Variants in DACH1 observed in about 807,000 individuals in gnomAD.
DACH1 encodes the protein dachshund family transcription factor 1.
A neutral mutation model predicts 54.2 loss-of-function variants in DACH1; 12 were observed. That is an observed-to-expected ratio of 0.22 (90% confidence interval 0.14 to 0.36). The LOEUF (loss-of-function observed/expected upper bound fraction) is 0.36. DACH1 is among the 10% of genes least tolerant of loss of function. DACH1 has a pLI of 1.00. For missense variants in DACH1, 805 were observed against 929.8 expected (o/e 0.87, Z 1.75); for synonymous variants, 386 against 366.2 (o/e 1.05, Z -0.62).
At chr13:71,772,406 T>C (rs1024974096) in intron 1 of DACH1, among the ~76,000 whole-genome samples, 1 of 151,644 alleles carries the variant, frequency 6.6e-6, no homozygotes, top group Non-Finnish European at 1.5e-5. Context: ...TGCAGAGAGC[T>C]TTTTTTCACC....
chr13:71,562,699 A>G (rs1185839852), intron 4 of DACH1, among the ~76,000 whole-genome samples: 1 of 152,092 alleles, frequency 6.6e-6, no homozygotes, highest in East Asian at 1.9e-4. Context: ...TAAAAAACAA[A>G]CATGTATATG....
At chr13:71,778,959 G>A (rs1467345095) in intron 1 of DACH1, among the ~76,000 whole-genome samples, 8 of 151,552 alleles carry the variant, frequency 5.3e-5, no homozygotes, top group Non-Finnish European at 1.0e-4. Context: ...AAAGAAAGTT[G>A]CTCCCCTTTT....
intron 8 of DACH1, 84 bp from the exon 9 acceptor site, chr13:71,475,933 T>A: frequency 9.5e-7 from 1 of 1,057,084 alleles, no homozygotes; most frequent in Non-Finnish European, 1.3e-6. Flanking sequence ...ATATTTTTTA[T>A]ATTATTCATT....
At position 71,551,852 on chromosome 13, in the gene DACH1, C is replaced by T. The variant is rs145101155; in HGVS notation, c.1570+5172G>A. Among the ~76,000 whole-genome samples the T allele has an allele frequency of 5.5e-3, 833 of 152,066 alleles. 10 individuals carry two copies. Among genetic ancestry groups the T allele is most frequent in the African/African-American group, 0.018 (748 of 41,508 alleles). ...GCTAACTACATTATTGTCTTTAGTG[C>T]TGTGTCCTTCACTTTAGATTACCAG... is the stretch of plus-strand genomic sequence containing the variant. On this transcript the variant is annotated intron_variant, in intron 6 of 10. Coordinates refer to ENST00000613252, the MANE Select transcript of DACH1 (RefSeq NM_080759.6).
At position 71,866,865 on chromosome 13, in the gene DACH1, C is replaced by T. The variant is rs1283865619; in HGVS notation, c.-96G>A. The T allele has an allele frequency of 2.6e-5, 26 of 1,011,798 alleles. No individual in the cohort carries two copies. Among genetic ancestry groups the T allele is most frequent in the Non-Finnish European group, 3.2e-5 (25 of 793,572 alleles). The allele number at this position is 1,011,798 out of a possible 1,614,324, so 62.7% of individuals were successfully genotyped here. A position where few individuals can be genotyped will look rare whatever the true frequency, so the allele number is the denominator to read the frequency against. The stretch of plus-strand genomic sequence containing the variant: ...AGGGGAAAAAAGGGGGGAGAAGGAG[C>T]GAGGGGGGCAACAACAACTCCGGGA... On this transcript the variant is annotated 5_prime_UTR_variant, in exon 1 of 11. Coordinates refer to ENST00000613252, the MANE Select transcript of DACH1 (RefSeq NM_080759.6).
At chr13:71,628,162 G>A (rs1207653301) in intron 3 of DACH1, among the ~76,000 whole-genome samples, 1 of 152,000 alleles carries the variant, frequency 6.6e-6, no homozygotes, top group African/African-American at 2.4e-5. Context: ...GGCAGGCATT[G>A]TCCTCAGAAC....
chr13:71,641,804 T>C (rs543642966), intron 2 of DACH1, among the ~76,000 whole-genome samples: 1 of 152,280 alleles, frequency 6.6e-6, no homozygotes, highest in South Asian at 2.1e-4. Flanking sequence ...CTTAGTCTGA[T>C]TATAAGGAGA....
intron 10 of DACH1, chr13:71,464,712 G>A (rs1437907013): frequency 2.2e-6 from 1 of 453,814 alleles, no homozygotes; most frequent in Admixed American, 2.4e-5. Context: ...CACTTTAACT[G>A]TTTTGATGTA....
intron 1 of DACH1, among the ~76,000 whole-genome samples, chr13:71,769,705 C>G (rs1486505105): frequency 6.6e-6 from 1 of 151,688 alleles, no homozygotes; most frequent in Non-Finnish European, 1.5e-5. Context: ...ATAAAAATCA[C>G]AGTTCTCACA....
chr13:71,622,566 T>C (rs935347632), intron 3 of DACH1, among the ~76,000 whole-genome samples: 6 of 151,912 alleles, frequency 3.9e-5, no homozygotes, highest in Non-Finnish European at 8.8e-5. Context: ...CACTGAAATA[T>C]GTGGTTTCTT....
chr13:71,464,194 C>T (rs536514770), intron 10 of DACH1, among the ~76,000 whole-genome samples: 4 of 151,580 alleles, frequency 2.6e-5, no homozygotes, highest in African/African-American at 9.7e-5. Context: ...TCTAATTGCC[C>T]AGTATTTCAG....
chr13:71,783,555 T>C (rs543928531), intron 1 of DACH1, among the ~76,000 whole-genome samples: 6 of 152,126 alleles, frequency 3.9e-5, no homozygotes, highest in Admixed American at 1.3e-4. Flanking sequence ...GCTCAGATAT[T>C]GTACCAGGGA....
intron 2 of DACH1, among the ~76,000 whole-genome samples, chr13:71,674,891 T>C (rs989416755): frequency 1.1e-4 from 16 of 152,196 alleles, no homozygotes; most frequent in African/African-American, 2.9e-4. Flanking sequence ...CTCAACAAAA[T>C]GTCTAGTATC....
intron 1 of DACH1, among the ~76,000 whole-genome samples, chr13:71,849,608 G>C (rs1873528714): frequency 1.3e-5 from 2 of 152,156 alleles, no homozygotes; most frequent in Non-Finnish European, 2.9e-5. Flanking sequence ...TGAGAAATAA[G>C]AAGTTGAACC....
At chr13:71,698,458 T>G (rs1470620667) in intron 1 of DACH1, among the ~76,000 whole-genome samples, 1 of 152,050 alleles carries the variant, frequency 6.6e-6, no homozygotes, top group East Asian at 1.9e-4. Flanking sequence ...GTATTGAAAT[T>G]TAAAATATGA....
At chr13:71,579,865 T>C (rs1011163766) in intron 3 of DACH1, among the ~76,000 whole-genome samples, 1 of 152,156 alleles carries the variant, frequency 6.6e-6, no homozygotes, top group Non-Finnish European at 1.5e-5. Flanking sequence ...ATTAGCACCA[T>C]GCTGTAAGTG....
At chr13:71,713,732 G>A (rs1882837932) in intron 1 of DACH1, among the ~76,000 whole-genome samples, 1 of 152,000 alleles carries the variant, frequency 6.6e-6, no homozygotes, top group Admixed American at 6.6e-5. Flanking sequence ...AATTGTAGTA[G>A]CATCATTCCC....
chr13:71,779,098 A>AAT lies in DACH1; in HGVS notation c.848+86822_848+86823dup, dbSNP rs756985444. Among the ~76,000 whole-genome samples the AAT allele has an allele frequency of 1.7e-3, 226 of 136,354 alleles. 5 individuals carry two copies. Among genetic ancestry groups the AAT allele is most frequent in the African/African-American group, 6.2e-3 (207 of 33,440 alleles). The allele number at this position is 136,354 out of a possible 152,430, so 89.5% of individuals were successfully genotyped here. On this transcript the variant is annotated intron_variant, in intron 1 of 10. Transcript: ENST00000613252. ...AGAATTTAACAAAAACAAAGGGCTG[A>AAT]ATATATATATATACATATATACACA...
chr13:71,450,163 CAG>C (rs1220482753), intron 10 of DACH1, among the ~76,000 whole-genome samples: 1 of 127,424 alleles, frequency 7.8e-6, no homozygotes, highest in East Asian at 2.4e-4. Context: ...TTGTGGGACA[CAG>C]ATACTTTTTT....
Sources: gnomAD v4.1 joint callset for allele counts (sites outside exome capture counted in the v4.1 genomes callset) on GRCh38, gnomAD v4.1.1 for gene constraint, MANE v1.5 for transcripts, NCBI Gene and HGNC (gene_info 2026-07-23, HGNC 2026-07-21) for gene names.